The following SGCZ variants were observed in gnomAD, a reference collection of about 807,000 sequenced individuals.
SGCZ encodes sarcoglycan zeta, also known as zeta-sarcoglycan.
Under a neutral mutation model 41.3 loss-of-function variants are expected in SGCZ, and 40 were observed. The ratio of observed to expected loss-of-function variants is 0.97; its 90% CI spans 0.75 to 1.26. SGCZ has a LOEUF of 1.26. Among genes scored for constraint, SGCZ ranks in the 50% most tolerant of loss-of-function variants. The probability of loss-of-function intolerance (pLI) is 0.00; values close to 1 mark genes in which losing one functional copy is unlikely to be tolerated. For missense variants in SGCZ, 552 were observed against 369.8 expected (o/e 1.49, Z -4.04); for synonymous variants, 206 against 137.5 (o/e 1.50, Z -3.49).
intron 1 of SGCZ, among the ~76,000 whole-genome samples, chr8:14,947,067 C>T (rs531080162): frequency 9.9e-4 from 150 of 152,072 alleles, no homozygotes; most frequent in African/African-American, 3.5e-3. Context: ...AGCCTCTCCC[C>T]ATCTGAAAAA....
chr8:14,187,024 G>C (rs1168867563), intron 4 of SGCZ, among the ~76,000 whole-genome samples: 1 of 152,182 alleles, frequency 6.6e-6, no homozygotes, highest in African/African-American at 2.4e-5. Context: ...ATTGCTGGCT[G>C]ATTATCAGCT....
chr8:14,460,938 T>C (rs185417337), intron 2 of SGCZ, among the ~76,000 whole-genome samples: 1 of 152,314 alleles, frequency 6.6e-6, no homozygotes, highest in East Asian at 1.9e-4. Flanking sequence ...CAGACATCTA[T>C]AACTGAATCA....
intron 1 of SGCZ, among the ~76,000 whole-genome samples, chr8:14,762,046 T>C (rs1464180670): frequency 6.6e-6 from 1 of 152,192 alleles, no homozygotes; most frequent in Non-Finnish European, 1.5e-5. Context: ...GTGTTGTGAA[T>C]GAATAGCAAA....
At chr8:15,094,630 G>A (rs1455181709) in intron 1 of SGCZ, among the ~76,000 whole-genome samples, 2 of 152,184 alleles carry the variant, frequency 1.3e-5, no homozygotes, top group East Asian at 3.9e-4. Flanking sequence ...AGTAAGCTAG[G>A]ATGCTATGAG....
At chr8:14,407,679 G>T (rs1045369218) in intron 2 of SGCZ, among the ~76,000 whole-genome samples, 1 of 152,084 alleles carries the variant, frequency 6.6e-6, no homozygotes, top group Admixed American at 6.6e-5. Flanking sequence ...TTCTTGTTAA[G>T]AACTGAGAAA....
chr8:14,964,940 A>T (rs1801083911), intron 1 of SGCZ, among the ~76,000 whole-genome samples: 1 of 152,022 alleles, frequency 6.6e-6, no homozygotes. Context: ...CCCTAAGGCC[A>T]CTCAACTCGC....
At chr8:14,771,656 G>T (rs1298731481) in intron 1 of SGCZ, among the ~76,000 whole-genome samples, 3 of 151,984 alleles carry the variant, frequency 2.0e-5, no homozygotes, top group Non-Finnish European at 4.4e-5. Context: ...CATTCATCAA[G>T]AAGTCTCAAT....
At chr8:14,141,940 G>A (rs968778550) in intron 5 of SGCZ, among the ~76,000 whole-genome samples, 20 of 152,194 alleles carry the variant, frequency 1.3e-4, no homozygotes, top group Non-Finnish European at 2.5e-4. Context: ...TGATAGACTG[G>A]ATTAAGAAAA....
chr8:14,856,305 G>T (rs752729239), intron 1 of SGCZ, among the ~76,000 whole-genome samples: 8 of 152,162 alleles, frequency 5.3e-5, no homozygotes, highest in Non-Finnish European at 1.0e-4. Context: ...AGTGGCTTCA[G>T]GGGAGATTTG....
chr8:14,657,771 T>C (rs1563183733), intron 1 of SGCZ, among the ~76,000 whole-genome samples: 1 of 152,194 alleles, frequency 6.6e-6, no homozygotes, highest in Non-Finnish European at 1.5e-5. Context: ...ATTCAGACTA[T>C]AGTTTGTTTT....
chr8:15,053,414 T>A (rs1217021830), intron 1 of SGCZ, among the ~76,000 whole-genome samples: 6 of 152,232 alleles, frequency 3.9e-5, no homozygotes, highest in African/African-American at 1.4e-4. Context: ...TTCACATGAG[T>A]ACTTGCTTGC....
intron 1 of SGCZ, among the ~76,000 whole-genome samples, chr8:14,629,704 G>A (rs1806583249): frequency 6.9e-6 from 1 of 145,494 alleles, no homozygotes; most frequent in African/African-American, 2.5e-5. Context: ...AATGGGATGT[G>A]TCTGGTCTAT....
chr8:14,186,988 T>C (rs1417615454), intron 4 of SGCZ, among the ~76,000 whole-genome samples: 2 of 152,120 alleles, frequency 1.3e-5, no homozygotes, highest in South Asian at 2.1e-4. Context: ...CAGATCATTC[T>C]TGAAAACAAT....
chr8:14,263,419 C>T lies in SGCZ; in HGVS notation c.337-25740G>A, dbSNP rs528074547. Among the ~76,000 whole-genome samples the T allele has an allele frequency of 1.8e-4, 28 of 152,008 alleles. No individual in the cohort carries two copies. The East Asian group carries it at 4.1e-3, about 22-fold the overall frequency. On this transcript the variant is annotated intron_variant, in intron 3 of 7. Coordinates refer to ENST00000382080, the MANE Select transcript of SGCZ (RefSeq NM_139167.4). ...CAAAAATTAGCCAGGCGTGGAGGCA[C>T]GTGCCTGAAATCCCAGCTACTCAGG...
intron 1 of SGCZ, among the ~76,000 whole-genome samples, chr8:14,581,051 G>T (rs1314477493): frequency 1.3e-5 from 2 of 152,150 alleles, no homozygotes; most frequent in African/African-American, 4.8e-5. Context: ...CTCTAAAATA[G>T]TAAAATGCTA....
chr8:14,902,980 G>C (rs555300839), intron 1 of SGCZ, among the ~76,000 whole-genome samples: 3 of 152,126 alleles, frequency 2.0e-5, no homozygotes, highest in African/African-American at 7.2e-5. Context: ...GAATTGACTG[G>C]AAATATGTTT....
chr8:14,758,508 G>A (rs975330721), intron 1 of SGCZ, among the ~76,000 whole-genome samples: 4 of 152,048 alleles, frequency 2.6e-5, no homozygotes, highest in Non-Finnish European at 5.9e-5. Context: ...CTAATTAGAA[G>A]TTGAATCATT....
At chr8:14,423,773 C>T (rs1054820959) in intron 2 of SGCZ, among the ~76,000 whole-genome samples, 1 of 152,014 alleles carries the variant, frequency 6.6e-6, no homozygotes, top group Non-Finnish European at 1.5e-5. Flanking sequence ...TTCCTTCCGT[C>T]CCCCCATCTT....
intron 1 of SGCZ, among the ~76,000 whole-genome samples, chr8:14,747,914 CAG>C (rs1469270580): frequency 2.1e-5 from 3 of 139,672 alleles, no homozygotes; most frequent in Admixed American, 7.8e-5. Context: ...TTAGTAGGAA[CAG>C]AGTTTCGCCA....
Sources: gnomAD v4.1 joint callset for allele counts (sites outside exome capture counted in the v4.1 genomes callset) on GRCh38, gnomAD v4.1.1 for gene constraint, MANE v1.5 for transcripts, NCBI Gene and HGNC (gene_info 2026-07-23, HGNC 2026-07-21) for gene names.